The following KLK6 variants were observed in gnomAD, a reference collection of about 807,000 sequenced individuals.
KLK6 encodes kallikrein related peptidase 6.
In KLK6, 16 loss-of-function variants were observed where a neutral mutation model predicts 21.7. That is an observed-to-expected ratio of 0.74 (90% CI 0.50 to 1.12). The LOEUF (loss-of-function observed/expected upper bound fraction) is 1.12, where lower values mean the gene tolerates loss of function less well. Ranked by LOEUF, KLK6 falls within the 50% of genes most tolerant of loss-of-function variation. The pLI, the probability that KLK6 is intolerant of heterozygous loss-of-function variation, is 0.00. For missense variants in KLK6, 276 were observed against 304.6 expected (o/e 0.91, Z 0.70); for synonymous variants, 116 against 120.1 (o/e 0.97, Z 0.22).
intron 4 of KLK6, among the ~76,000 whole-genome samples, chr19:50,965,214 C>T (rs918702111): frequency 1.4e-4 from 21 of 152,100 alleles, no homozygotes; most frequent in Non-Finnish European, 2.4e-4. Flanking sequence ...GTGATCCACC[C>T]GCCTCGGCCT....
chr19:50,961,620 C>T lies in KLK6; in HGVS notation c.582+124G>A, dbSNP rs2090841096. ...TTCAAGGCTTGGGTTCTCCCTCAGC[C>T]TGTCTCTATCTGTCTCTGTAAAGCT... On this transcript the variant is annotated intron_variant, in intron 6 of 6. Coordinates refer to ENST00000310157, the MANE Select transcript of KLK6 (RefSeq NM_002774.4). 3 of 1,164,988 alleles carry T rather than the reference C, an allele frequency of 2.6e-6. No individual in the cohort carries two copies. In the South Asian group the frequency reaches 4.9e-5, roughly 19 times the overall value. The allele number at this position is 1,164,988 out of a possible 1,614,324, so 72.2% of individuals were successfully genotyped here. A position where few individuals can be genotyped will look rare whatever the true frequency, so the allele number is the denominator to read the frequency against.
In KLK6 at chr19:50,959,514, A is replaced by T. The variant is rs111406774; in HGVS notation, c.583-198T>A. Reference sequence around the variant, plus strand: ...GAGACAGTAAGACACACAAAGGCACAGAGAGAGAATGGTAGAGAGAGAATA... The same window carrying T: ...GAGACAGTAAGACACACAAAGGCACTGAGAGAGAATGGTAGAGAGAGAATA... On this transcript the variant is annotated intron_variant, in intron 6 of 6. Coordinates refer to ENST00000310157, the MANE Select transcript of KLK6 (RefSeq NM_002774.4). Among the ~76,000 whole-genome samples, 392 of 149,686 alleles carry T rather than the reference A, an allele frequency of 2.6e-3. 2 individuals are homozygous for T. Among genetic ancestry groups the T allele is most frequent in the African/African-American group, 9.3e-3 (376 of 40,486 alleles).
chr19:50,966,566 C>G (rs568562166), intron 4 of KLK6, among the ~76,000 whole-genome samples: 3 of 152,252 alleles, frequency 2.0e-5, no homozygotes, highest in Non-Finnish European at 4.4e-5. Flanking sequence ...TTTGGGAGGG[C>G]GAGGCGGGCG....
At chr19:50,963,209 C>T (rs2090870803) in intron 5 of KLK6, 93 bp downstream of exon 5, 2 of 1,519,386 alleles carry the variant, frequency 1.3e-6, no homozygotes, top group Admixed American at 3.6e-5. Flanking sequence ...CCCATCTTCC[C>T]ATGGCCCCTC....
chr19:50,963,684 C>T (rs1404259403), intron 4 of KLK6, 135 bp from the exon 5 acceptor site: 2 of 948,844 alleles, frequency 2.1e-6, no homozygotes, highest in South Asian at 1.6e-5. Flanking sequence ...GCAATTCCAT[C>T]CTTTCAGAAT....
At chr19:50,966,339 G>C (rs1400904315) in intron 4 of KLK6, among the ~76,000 whole-genome samples, 3 of 152,178 alleles carry the variant, frequency 2.0e-5, no homozygotes, top group African/African-American at 7.2e-5. Flanking sequence ...CTCAGTCTCA[G>C]AATTCCACAT....
intron 5 of KLK6, 65 bp from the exon 6 acceptor site, chr19:50,961,945 C>CT: frequency 1.4e-6 from 2 of 1,474,884 alleles, no homozygotes; most frequent in Non-Finnish European, 1.8e-6. Context: ...TCCCCAGTCA[C>CT]CCCCCAACCC....
intron 6 of KLK6, among the ~76,000 whole-genome samples, chr19:50,959,867 A>G: frequency 4.7e-5 from 2 of 42,308 alleles, no homozygotes; most frequent in Non-Finnish European, 8.8e-5. Context: ...GAGGAAGAGG[A>G]GGAGGAGGAA....
At chr19:50,962,105 C>T (rs2090851824) in intron 5 of KLK6, 11 of 480,436 alleles carry the variant, frequency 2.3e-5, no homozygotes, top group African/African-American at 2.0e-5. Context: ...CTGTCTTCCT[C>T]ATTAATAGTC....
chr19:50,967,057 A>G, intron 4 of KLK6, 112 bp downstream of exon 4: 1 of 1,176,980 alleles, frequency 8.5e-7, no homozygotes, highest in Non-Finnish European at 1.2e-6. Context: ...CCTGGCTATC[A>G]GATGGCCTCG....
chr19:50,968,189 C>T, intron 2 of KLK6, 77 bp from the exon 3 acceptor site: 1 of 1,293,818 alleles, frequency 7.7e-7, no homozygotes. Flanking sequence ...CCCTCTGCAT[C>T]CTCTCCTTCC....
chr19:50,959,706 A>G (rs1302600169), intron 6 of KLK6, among the ~76,000 whole-genome samples: 1 of 20,552 alleles, frequency 4.9e-5, no homozygotes, highest in Non-Finnish European at 7.7e-5. Flanking sequence ...GAGGAAGAGG[A>G]GAAGGAGAGG....
At chr19:50,967,931 C>G (rs902362070) in intron 3 of KLK6, 134 bp downstream of exon 3, 31 of 727,032 alleles carry the variant, frequency 4.3e-5, no homozygotes, top group Non-Finnish European at 6.1e-5. Flanking sequence ...TAGCCTAATC[C>G]CCAACGTCTT....
chr19:50,963,689 C>G lies in KLK6; in HGVS notation c.198-140G>C, dbSNP rs553255912. On this transcript the variant is annotated intron_variant, in intron 4 of 6. Coordinates refer to ENST00000310157, the MANE Select transcript of KLK6 (RefSeq NM_002774.4). ...TGGGTAAATGGCAATTCCATCCTTT[C>G]AGAATAATCTTGGGGGCTATTCTTC... 1.2e-3 allele frequency: 1,065 copies of G among 911,066 alleles called. 1 individual carries two copies. Among genetic ancestry groups the G allele is most frequent in the Non-Finnish European group, 1.7e-3 (1,013 of 606,326 alleles). The allele number at this position is 911,066 out of a possible 1,614,324, so 56.4% of individuals were successfully genotyped here. A position where few individuals can be genotyped will look rare whatever the true frequency, so the allele number is the denominator to read the frequency against.
At position 50,961,845 on chromosome 19, in the gene KLK6, G is replaced by A. The variant is rs996384137; in HGVS notation, c.481C>T (p.His161Tyr). The A allele has an allele frequency of 1.9e-6, 3 of 1,613,986 alleles. No individual in the cohort carries two copies. Among genetic ancestry groups the A allele is most frequent in the Non-Finnish European group, 2.5e-6 (3 of 1,179,918 alleles). ...FPDTIQCAYI[H>Y]LVSREECEHA... is the part of the protein sequence containing the mutation. ...TCACACTCCTCACGGGACACCAGGT[G>A]GATGTATGCACACTGGATGGTGTCA... Residue 161 changes from histidine to tyrosine, a missense_variant, in exon 6 of 7, where the codon CAC becomes TAC. By Grantham distance (83) the His-to-Tyr change is moderately conservative. Transcript: ENST00000310157.
Position 50,959,072 on chromosome 19 carries a change from CAGGAG to C in KLK6, c.*87_*91del, listed in dbSNP as rs947414531. On this transcript the variant is annotated 3_prime_UTR_variant, in exon 7 of 7. Transcript: ENST00000310157. ...ATTAAGCATCAGGGTCAGAGCTGGG[CAGGAG>C]AGGAGGGGAGGCAAGGTCTAGGTGA... 12 of 1,376,142 alleles carry C rather than the reference CAGGAG, an allele frequency of 8.7e-6. No individual in the cohort carries two copies. The highest frequency in any genetic ancestry group is 1.0e-5 in the Non-Finnish European group (10 of 973,334). 85.2% of individuals were successfully genotyped at this position (1,376,142 alleles called of 1,614,324 possible).
In KLK6 at chr19:50,963,401, C is replaced by T. The variant is rs756158581; in HGVS notation, c.346G>A (p.Ala116Thr). 6 of 1,614,236 alleles carry T rather than the reference C, an allele frequency of 3.7e-6. No homozygotes were observed. Among genetic ancestry groups the T allele is most frequent in the Admixed American group, 1.7e-5 (1 of 60,018 alleles). Residue 116 changes from alanine (A) to threonine (T), a missense_variant, in exon 5 of 7, where the codon GCC becomes ACC. Physicochemically the swap from Ala to Thr is moderately conservative, Grantham distance 58 (BLOSUM62 0). Transcript: ENST00000310157. Reference protein sequence around the residue: ...DIMLLRLARPAKLSELIQPLP... With the variant: ...DIMLLRLARPTKLSELIQPLP... ...GGCTGGATGAGTTCAGAGAGTTTGG[C>T]TGGGCGTGCCAGGCGCAACAGCATG...
At chr19:50,960,464 G>T (rs556105751) in intron 6 of KLK6, among the ~76,000 whole-genome samples, 3 of 152,060 alleles carry the variant, frequency 2.0e-5, no homozygotes, top group African/African-American at 4.8e-5. Context: ...TAAAGTATTC[G>T]GGAGGGAGTC....
intron 4 of KLK6, 114 bp from the exon 5 acceptor site, chr19:50,963,663 C>G: frequency 8.0e-7 from 1 of 1,248,564 alleles, no homozygotes; most frequent in Non-Finnish European, 1.1e-6. Context: ...TCTTCCCCAG[C>G]TGGGTAAATG....
Sources: allele counts gnomAD v4.1 joint callset (sites outside exome capture counted in the v4.1 genomes callset), GRCh38; gene constraint gnomAD v4.1.1; transcripts MANE v1.5; gene names NCBI Gene and HGNC (gene_info 2026-07-23, HGNC 2026-07-21).